The following C10orf90 variants were observed in gnomAD, a reference collection of about 807,000 sequenced individuals.
The protein encoded by C10orf90 is chromosome 10 open reading frame 90.
A neutral mutation model predicts 62.5 loss-of-function variants in C10orf90; 56 were observed. The ratio of observed to expected loss-of-function variants is 0.90; its 90% CI spans 0.72 to 1.12. C10orf90 has a LOEUF of 1.12. Among genes scored for constraint, C10orf90 ranks in the 50% most tolerant of loss-of-function variants. The pLI is 0.00. For synonymous variants in C10orf90, 386 were observed against 340.4 expected (o/e 1.13, Z -1.47); for missense variants, 970 against 880.4 (o/e 1.10, Z -1.29).
chr10:126,662,493 C>A (rs1246626299), intron 1 of C10orf90, among the ~76,000 whole-genome samples: 1 of 152,124 alleles, frequency 6.6e-6, no homozygotes, highest in African/African-American at 2.4e-5. Context: ...TTTTTTTCCT[C>A]TCAAGAAGTG....
Position 126,504,569 on chromosome 10 carries a change from C to T in C10orf90, c.922G>A (p.Glu308Lys), listed in dbSNP as rs776342529. 3.7e-6 allele frequency: 6 copies of T among 1,614,204 alleles called. No individual in the cohort carries two copies. In the East Asian group the frequency reaches 1.3e-4, roughly 36 times the overall value. ...CTCTCACACAACCCAGTGTGGGCCTCGGGAACCTTCAGCCGCACCACGGAG... is the reference window on the plus strand; with the variant it reads ...CTCTCACACAACCCAGTGTGGGCCTTGGGAACCTTCAGCCGCACCACGGAG... ...NSSVVRLKVPEAHTGLCERRK... is the reference protein window; with the variant it reads ...NSSVVRLKVPKAHTGLCERRK... The change falls in exon 4 of 10, where the codon GAG becomes AAG. Residue 308 changes from glutamate (E) to lysine (K), a missense_variant. Glu to Lys is a moderately conservative substitution (Grantham distance 56, BLOSUM62 1). Coordinates refer to ENST00000488181, the MANE Select transcript of C10orf90 (RefSeq NM_001350921.2). The surrounding 1 kb of genome is among the most constrained non-coding windows in gnomAD (Gnocchi z 4.1).
chr10:126,489,989 A>ATT (rs1861635657), intron 4 of C10orf90, among the ~76,000 whole-genome samples: 1 of 110,422 alleles, frequency 9.1e-6, no homozygotes, highest in African/African-American at 3.5e-5. Flanking sequence ...ATATATATAT[A>ATT]ATATATATTA....
intron 2 of C10orf90, among the ~76,000 whole-genome samples, chr10:126,556,109 C>T (rs1864766341): frequency 6.6e-6 from 1 of 152,176 alleles, no homozygotes; most frequent in South Asian, 2.1e-4. Flanking sequence ...AGTATCAAAA[C>T]CAGCTGGTGG....
At chr10:126,452,705 CAT>C (rs1859284601) in intron 7 of C10orf90, among the ~76,000 whole-genome samples, 1 of 152,172 alleles carries the variant, frequency 6.6e-6, no homozygotes, top group African/African-American at 2.4e-5. Context: ...TTAATAAAAA[CAT>C]AAAACCTCAC....
chr10:126,537,445 G>A (rs558136843), intron 2 of C10orf90, among the ~76,000 whole-genome samples: 5 of 152,254 alleles, frequency 3.3e-5, no homozygotes, highest in South Asian at 2.1e-4. Flanking sequence ...TTCTGAAAAC[G>A]GAACATCTTT....
At chr10:126,533,408 T>C (rs1864155681) in intron 2 of C10orf90, among the ~76,000 whole-genome samples, 1 of 152,254 alleles carries the variant, frequency 6.6e-6, no homozygotes, top group African/African-American at 2.4e-5. Flanking sequence ...CCTACGTTCC[T>C]TGAACACAGA....
intron 2 of C10orf90, among the ~76,000 whole-genome samples, chr10:126,624,618 A>G (rs554872551): frequency 6.6e-6 from 1 of 152,356 alleles, no homozygotes; most frequent in African/African-American, 2.4e-5. Flanking sequence ...AGCTGGACAG[A>G]CAGTCAGGAT....
intron 1 of C10orf90, among the ~76,000 whole-genome samples, chr10:126,666,007 A>C (rs1273612961): frequency 6.6e-6 from 1 of 152,144 alleles, no homozygotes; most frequent in Non-Finnish European, 1.5e-5. Context: ...AGGTACAAAC[A>C]CCTTGTCACA....
At chr10:126,435,666 T>C (rs1857870003) in intron 7 of C10orf90, among the ~76,000 whole-genome samples, 1 of 152,090 alleles carries the variant, frequency 6.6e-6, no homozygotes, top group South Asian at 2.1e-4. Flanking sequence ...GTCAACCATA[T>C]CTATGAAAAA....
chr10:126,561,672 A>G (rs967132470), intron 2 of C10orf90, among the ~76,000 whole-genome samples: 20 of 152,066 alleles, frequency 1.3e-4, no homozygotes, highest in African/African-American at 4.6e-4. Context: ...TGCAGCTGCA[A>G]ATTAAACAAG....
chr10:126,580,265 C>G (rs1043156646), intron 2 of C10orf90, among the ~76,000 whole-genome samples: 1 of 152,220 alleles, frequency 6.6e-6, no homozygotes, highest in Non-Finnish European at 1.5e-5. Context: ...GGATAGTCAA[C>G]TCTTCTTGGA....
chr10:126,559,453 G>T (rs185825148), intron 2 of C10orf90, among the ~76,000 whole-genome samples: 77 of 152,302 alleles, frequency 5.1e-4, no homozygotes, highest in African/African-American at 1.8e-3. Flanking sequence ...CAAGTTCTGT[G>T]TTTGCAGCAG....
At chr10:126,514,895 G>A (rs1469588301) in intron 2 of C10orf90, among the ~76,000 whole-genome samples, 1 of 152,092 alleles carries the variant, frequency 6.6e-6, no homozygotes, top group Non-Finnish European at 1.5e-5. Context: ...TCCAGGAAGA[G>A]GTCCATTTTC....
chr10:126,577,018 A>C (rs2134010944), intron 2 of C10orf90, among the ~76,000 whole-genome samples: 1 of 151,808 alleles, frequency 6.6e-6, no homozygotes, highest in Non-Finnish European at 1.5e-5. Flanking sequence ...GAAGAGAAGG[A>C]GATATTTGTT....
At position 126,425,772 on chromosome 10, in the gene C10orf90, C is replaced by G; in HGVS notation, c.*92G>C. On this transcript the variant is annotated 3_prime_UTR_variant, in exon 10 of 10. Coordinates refer to ENST00000488181, the MANE Select transcript of C10orf90 (RefSeq NM_001350921.2). ...AAATCGAAAGTAAAATAAGTGTTTTCCCATGATGAAGATAATGCTAAGTTT... is the reference window on the plus strand; with the variant it reads ...AAATCGAAAGTAAAATAAGTGTTTTGCCATGATGAAGATAATGCTAAGTTT... 7.6e-7 allele frequency: 1 copy of G among 1,312,474 alleles called. No homozygotes were observed. Among genetic ancestry groups the G allele is most frequent in the Non-Finnish European group, 1.0e-6 (1 of 958,240 alleles). The allele number at this position is 1,312,474 out of a possible 1,614,324, so 81.3% of individuals were successfully genotyped here.
chr10:126,576,120 C>A (rs962026276), intron 2 of C10orf90, among the ~76,000 whole-genome samples: 5 of 151,976 alleles, frequency 3.3e-5, no homozygotes, highest in African/African-American at 9.7e-5. Context: ...AGGAAACAAC[C>A]AACAGAGTGA....
At chr10:126,546,178 C>T (rs991539091) in intron 2 of C10orf90, among the ~76,000 whole-genome samples, 1 of 152,198 alleles carries the variant, frequency 6.6e-6, no homozygotes, top group Non-Finnish European at 1.5e-5. Context: ...AGACAGAAAA[C>T]TTTCAGACAA....
intron 2 of C10orf90, among the ~76,000 whole-genome samples, chr10:126,519,971 C>T (rs1026055524): frequency 1.3e-5 from 2 of 152,164 alleles, no homozygotes; most frequent in Non-Finnish European, 2.9e-5. Context: ...ACCAAGCCCC[C>T]TCATGGTTCT....
intron 2 of C10orf90, among the ~76,000 whole-genome samples, chr10:126,581,215 T>C (rs1476698065): frequency 2.6e-5 from 4 of 152,224 alleles, no homozygotes; most frequent in African/African-American, 7.2e-5. Context: ...AACAGAGATA[T>C]TCATGCAGGG....
Sources: allele counts gnomAD v4.1 joint callset (sites outside exome capture counted in the v4.1 genomes callset), GRCh38; gene constraint gnomAD v4.1.1; non-coding constraint Gnocchi (gnomAD v3.1); transcripts MANE v1.5; gene names NCBI Gene and HGNC (gene_info 2026-07-23, HGNC 2026-07-21).